FAM53C: variants seen among roughly 807,000 people sequenced by gnomAD.
The protein encoded by FAM53C is family with sequence similarity 53 member C.
Under a neutral mutation model 34.7 loss-of-function variants are expected in FAM53C, and 10 were observed. The ratio of observed to expected loss-of-function variants is 0.29; its 90% CI spans 0.18 to 0.49. The LOEUF (loss-of-function observed/expected upper bound fraction) is 0.49. Among genes scored for constraint, FAM53C ranks in the 20% least tolerant of loss-of-function variants. The probability of loss-of-function intolerance (pLI) is 0.99; values close to 1 mark genes in which losing one functional copy is unlikely to be tolerated. For missense variants in FAM53C, 442 were observed against 515.3 expected (o/e 0.86, Z 1.38); for synonymous variants, 203 against 203.6 (o/e 1.00, Z 0.03).
intron 1 of FAM53C, among the ~76,000 whole-genome samples, chr5:138,339,721 G>A (rs1403001390): frequency 6.6e-6 from 1 of 152,208 alleles, no homozygotes; most frequent in Non-Finnish European, 1.5e-5. Flanking sequence ...CAGCTGAAGA[G>A]AGCTCCCCGG....
Position 138,345,568 on chromosome 5 carries a change from C to T in FAM53C, c.880C>T (p.Arg294Trp), listed in dbSNP as rs369625077. 1.1e-5 allele frequency: 18 copies of T among 1,613,552 alleles called. No individual in the cohort carries two copies. The highest frequency in any genetic ancestry group is 1.1e-4 in the African/African-American group (8 of 74,944). ...GVKRRHEEDP[R>W]RLRPSLDFDK... ...CAAGCGGCGCCACGAGGAAGACCCC[C>T]GGCGTCTGCGGCCTTCGTTGGACTT... Residue 294 changes from arginine (R) to tryptophan (W), a missense_variant, in exon 4 of 5, where the codon CGG (arginine) becomes TGG (tryptophan). Physicochemically the swap from Arg to Trp is moderately radical, Grantham distance 101 (BLOSUM62 -3). Coordinates refer to ENST00000239906, the MANE Select transcript of FAM53C (RefSeq NM_016605.3). The surrounding 1 kb of genome is among the most constrained non-coding windows in gnomAD (Gnocchi z 6.3).
rs1761156365 is a variant in FAM53C at position 138,345,722 on chromosome 5, C to T, written c.921+113C>T. The T allele has an allele frequency of 8.1e-7, 1 of 1,236,820 alleles. No homozygotes were observed. Among genetic ancestry groups the T allele is most frequent in the South Asian group, 1.5e-5 (1 of 66,560 alleles). The allele number at this position is 1,236,820 out of a possible 1,614,324, so 76.6% of individuals were successfully genotyped here. A position where few individuals can be genotyped will look rare whatever the true frequency, so the allele number is the denominator to read the frequency against. ...CTGCCGCCCCCACCACCAACAGCACCTCCTTTAGCTCTTAGCTAGGGTGAC... is the reference window on the plus strand; with the variant it reads ...CTGCCGCCCCCACCACCAACAGCACTTCCTTTAGCTCTTAGCTAGGGTGAC... On this transcript the variant is annotated intron_variant, in intron 4 of 4. Transcript: ENST00000239906. This position sits in a 1 kb window ranked among gnomAD's most constrained non-coding sequence, Gnocchi z 6.3.
At chr5:138,338,221 C>T, upstream of FAM53C, 1 of 1,262,366 alleles carries the variant, frequency 7.9e-7, no homozygotes, top group Non-Finnish European at 1.0e-6. Context: ...CTCGTTGGTT[C>T]GCGCCAGCGC....
chr5:138,345,179 C>A lies in FAM53C; in HGVS notation c.491C>A (p.Pro164Gln), dbSNP rs1761134057. Reference protein sequence around the residue: ...GGPQVPHQSPPKRVSSLRFLQ... With the variant: ...GGPQVPHQSPQKRVSSLRFLQ... ...CCGCAGGTGCCTCACCAGAGCCCCC[C>A]AAAGCGGGTCTCCAGCCTCAGGTTC... The change falls in exon 4 of 5, where the codon CCA (proline) becomes CAA (glutamine). Residue 164 changes from proline (P) to glutamine (Q), a missense_variant. Coordinates refer to ENST00000239906, the MANE Select transcript of FAM53C (RefSeq NM_016605.3). This position sits in a 1 kb window ranked among gnomAD's most constrained non-coding sequence, Gnocchi z 6.3. The A allele has an allele frequency of 1.9e-6, 3 of 1,614,236 alleles. No individual in the cohort carries two copies. The highest frequency in any genetic ancestry group is 2.2e-5 in the East Asian group (1 of 44,880).
At chr5:138,344,037 C>T (rs534641373) in intron 3 of FAM53C, among the ~76,000 whole-genome samples, 3 of 152,296 alleles carry the variant, frequency 2.0e-5, no homozygotes, top group South Asian at 4.1e-4. Context: ...CTTAATGAGC[C>T]GTCTCCCAAA....
intron 3 of FAM53C, chr5:138,342,103 C>T: frequency 2.0e-6 from 1 of 493,894 alleles, no homozygotes; most frequent in Non-Finnish European, 3.6e-6. Context: ...ATAGGTAATA[C>T]ATTCACATGG....
chr5:138,346,981 G>A lies in FAM53C; in HGVS notation c.*22G>A, dbSNP rs1486940515. ...CTAAAACTGAGAGGCTACTTCCTGG[G>A]GCCACACAGACTGACTCTCTCATGG... On this transcript the variant is annotated 3_prime_UTR_variant, in exon 5 of 5. Coordinates refer to ENST00000239906, the MANE Select transcript of FAM53C (RefSeq NM_016605.3). The A allele has an allele frequency of 1.9e-6, 3 of 1,613,428 alleles. No individual in the cohort carries two copies. The highest frequency in any genetic ancestry group is 2.5e-6 in the Non-Finnish European group (3 of 1,179,896).
At position 138,348,745 on chromosome 5, in the gene FAM53C, G is replaced by A. The variant is rs1440742625; in HGVS notation, c.*1786G>A. 6.6e-6 allele frequency: 1 copy of A among 152,150 alleles called. No individual in the cohort carries two copies. The highest frequency in any genetic ancestry group is 1.5e-5 in the Non-Finnish European group (1 of 68,022). 9.4% of individuals were successfully genotyped at this position (152,150 alleles called of 1,614,324 possible). A position where few individuals can be genotyped will look rare whatever the true frequency, so the allele number is the denominator to read the frequency against. On this transcript the variant is annotated 3_prime_UTR_variant, in exon 5 of 5. Transcript: ENST00000239906. ...TTACCACTAGGCTACCAGGTCTCTA[G>A]GGGCCTGAGAGAGGCCCTCTAGAGA...
chr5:138,338,254 A>G, upstream of FAM53C: 1 of 1,108,982 alleles, frequency 9.0e-7, no homozygotes, highest in Non-Finnish European at 1.2e-6. Flanking sequence ...CCGTGGGGCG[A>G]ACCGAGCGCT....
chr5:138,341,101 T>A, intron 1 of FAM53C, 83 bp from the exon 2 acceptor site: 2 of 626,422 alleles, frequency 3.2e-6, no homozygotes, highest in Non-Finnish European at 6.0e-6. Context: ...TTAGGGGTGC[T>A]GTGGTATGTG....
At chr5:138,346,189 C>T (rs1030224247) in intron 4 of FAM53C, among the ~76,000 whole-genome samples, 11 of 152,294 alleles carry the variant, frequency 7.2e-5, no homozygotes, top group African/African-American at 2.6e-4. Context: ...TTCATACAGT[C>T]GTCCATCCCA....
Position 138,347,070 on chromosome 5 carries a change from G to A in FAM53C, c.*111G>A. 1 of 1,437,782 alleles carries A rather than the reference G, an allele frequency of 7.0e-7. No individual in the cohort carries two copies. Among genetic ancestry groups the A allele is most frequent in the South Asian group, 1.3e-5 (1 of 79,260 alleles). 89.1% of individuals were successfully genotyped at this position (1,437,782 alleles called of 1,614,324 possible). On this transcript the variant is annotated 3_prime_UTR_variant, in exon 5 of 5. Transcript: ENST00000239906. ...GCCTGGGAATGGGGGTGAGTGGAGG[G>A]CTCCGACTCAGGGCAGCTGGAAATC...
chr5:138,339,025 G>A (rs924846910), intron 1 of FAM53C, among the ~76,000 whole-genome samples: 1 of 152,174 alleles, frequency 6.6e-6, no homozygotes, highest in Non-Finnish European at 1.5e-5. Flanking sequence ...ATTTTTGGGG[G>A]CTGCTGGTGG....
Position 138,346,808 on chromosome 5 carries a change from G to A in FAM53C, c.1028G>A (p.Cys343Tyr), listed in dbSNP as rs1222201500. ...AGCCCCCCACCCCTCTCTGCTTCCT[G>A]CAGCCCCACTGGGGGTTCCTCCCAG... Reference protein sequence around the residue: ...ACSPPPLSASCSPTGGSSQVL... With the variant: ...ACSPPPLSASYSPTGGSSQVL... The change falls in exon 5 of 5, where the codon TGC becomes TAC. Residue 343 changes from cysteine to tyrosine, a missense_variant. Coordinates refer to ENST00000239906, the MANE Select transcript of FAM53C (RefSeq NM_016605.3). 10 of 1,614,136 alleles carry A rather than the reference G, an allele frequency of 6.2e-6. No homozygotes were observed. Among genetic ancestry groups the A allele is most frequent in the Middle Eastern group, 3.3e-4 (2 of 6,024 alleles).
intron 3 of FAM53C, chr5:138,342,133 C>G: frequency 2.2e-6 from 1 of 445,706 alleles, no homozygotes; most frequent in Middle Eastern, 5.8e-4. Context: ...TAAAAAATAA[C>G]AACAAAAAGG....
At chr5:138,338,138 C>T, upstream of FAM53C, 1 of 1,289,824 alleles carries the variant, frequency 7.8e-7, no homozygotes, top group Non-Finnish European at 1.0e-6. Context: ...AGACACGACA[C>T]GGAGCTGCGC....
At chr5:138,337,825 G>A (rs1760818124), upstream of FAM53C, 2 of 495,228 alleles carry the variant, frequency 4.0e-6, no homozygotes, top group Non-Finnish European at 6.8e-6. Context: ...TCGAAGAGGT[G>A]GTCGTGGAGG....
At chr5:138,338,200 C>T (rs972983591), upstream of FAM53C, 50 of 1,280,856 alleles carry the variant, frequency 3.9e-5, no homozygotes, top group Admixed American at 4.6e-5. Flanking sequence ...TCCCCCTACT[C>T]TCCTCAGGGA....
In FAM53C at chr5:138,345,156, G is replaced by T. The variant is rs760937726; in HGVS notation, c.468G>T (p.Pro156=). ...KHRGSGGGGG[P]QVPHQSPPKR... ...GGGGCAGTGGTGGAGGGGGTGGGCC[G>T]CAGGTGCCTCACCAGAGCCCCCCAA... is the stretch of plus-strand genomic sequence containing the variant. Residue 156 remains proline, a synonymous_variant, in exon 4 of 5, where the codon CCG becomes CCT. Coordinates refer to ENST00000239906, the MANE Select transcript of FAM53C (RefSeq NM_016605.3). This position sits in a 1 kb window ranked among gnomAD's most constrained non-coding sequence, Gnocchi z 6.3. 1.2e-6 allele frequency: 2 copies of T among 1,614,034 alleles called. No individual in the cohort carries two copies. Among genetic ancestry groups the T allele is most frequent in the Admixed American group, 1.7e-5 (1 of 60,008 alleles).
Sources: allele counts gnomAD v4.1 joint callset (sites outside exome capture counted in the v4.1 genomes callset), GRCh38; gene constraint gnomAD v4.1.1; non-coding constraint Gnocchi (gnomAD v3.1); transcripts MANE v1.5; gene names NCBI Gene and HGNC (gene_info 2026-07-23, HGNC 2026-07-21).